Variants in BIRC6 observed in about 807,000 individuals in gnomAD.
BIRC6 encodes baculoviral IAP repeat containing 6, also known as dual E2 ubiquitin-conjugating enzyme/E3 ubiquitin-protein ligase BIRC6.
In BIRC6, 98 loss-of-function variants were observed where a neutral mutation model predicts 503.3. That is an observed-to-expected ratio of 0.19 (90% CI 0.17 to 0.23). The LOEUF is 0.23. Ranked by LOEUF, BIRC6 falls within the 10% of genes least tolerant of loss-of-function variation. The probability of loss-of-function intolerance (pLI) is 1.00; values close to 1 mark genes in which losing one functional copy is unlikely to be tolerated. For synonymous variants in BIRC6, 2,240 were observed against 2,078.7 expected (o/e 1.08, Z -2.11); for missense variants, 5,360 against 5,806.0 (o/e 0.92, Z 2.50).
Position 32,471,055 on chromosome 2 carries a change from G to A in BIRC6, c.6523G>A (p.Val2175Met). The A allele has an allele frequency of 6.3e-7, 1 of 1,582,814 alleles. No individual in the cohort carries two copies. Residue 2175 changes from valine to methionine, a missense_variant, in exon 32 of 74, where the codon GTG becomes ATG. Around this residue, in one of 16 missense-constraint regions of BIRC6, gnomAD observed 2,299 missense variants for 2,267.2 expected, o/e 1.01. Coordinates refer to ENST00000421745, the MANE Select transcript of BIRC6 (RefSeq NM_016252.4). ...IPMISWVVML[V>M]SRLLDYVATV... The stretch of plus-strand genomic sequence containing the variant: ...CATGATCAGTTGGGTTGTTATGCTG[G>A]TGTCCAGGTTGCTGGATTATGTGGC...
chr2:32,370,272 T>C (rs1009434808), intron 1 of BIRC6, among the ~76,000 whole-genome samples: 1 of 151,286 alleles, frequency 6.6e-6, no homozygotes, highest in South Asian at 2.1e-4. Flanking sequence ...GTGGTGATTA[T>C]ATTTTCAAAA....
intron 51 of BIRC6, among the ~76,000 whole-genome samples, chr2:32,508,542 T>A (rs1284929515): frequency 1.3e-5 from 2 of 152,062 alleles, no homozygotes; most frequent in Non-Finnish European, 2.9e-5. Flanking sequence ...TTGTAATTTT[T>A]TGTATCATAC....
At position 32,603,102 on chromosome 2, in the gene BIRC6, A is replaced by C; in HGVS notation, c.14070+19A>C. 6.3e-7 allele frequency: 1 copy of C among 1,592,608 alleles called. No individual in the cohort carries two copies. Among genetic ancestry groups the C allele is most frequent in the Non-Finnish European group, 8.6e-7 (1 of 1,168,634 alleles). On this transcript the variant is annotated intron_variant, in intron 71 of 73. Coordinates refer to ENST00000421745, the MANE Select transcript of BIRC6 (RefSeq NM_016252.4). ...TTTGCAAGTAAACAAAATTTCTCTG[A>C]CATTTTCACTTAAGAAATAAAGAAC... is the stretch of plus-strand genomic sequence containing the variant.
intron 66 of BIRC6, among the ~76,000 whole-genome samples, chr2:32,591,556 C>T (rs1434776578): frequency 6.6e-6 from 1 of 152,124 alleles, no homozygotes; most frequent in African/African-American, 2.4e-5. Context: ...TGATGCAGTT[C>T]ATGCTCCATG....
At position 32,478,631 on chromosome 2, in the gene BIRC6, A is replaced by T; in HGVS notation, c.7069-4A>T. The T allele has an allele frequency of 1.2e-6, 2 of 1,603,174 alleles. No individual in the cohort carries two copies. The highest frequency in any genetic ancestry group is 1.7e-6 in the Non-Finnish European group (2 of 1,176,320). On this transcript the variant is annotated splice_region_variant and splice_polypyrimidine_tract_variant and intron_variant, in intron 35 of 73. Coordinates refer to ENST00000421745, the MANE Select transcript of BIRC6 (RefSeq NM_016252.4). Reference sequence around the variant, plus strand: ...AGTGTATGATTTTATAAAATGTATTACAGGTTCTTGCACGCATTGCAAATG... The same window carrying T: ...AGTGTATGATTTTATAAAATGTATTTCAGGTTCTTGCACGCATTGCAAATG...
intron 50 of BIRC6, 62 bp from the exon 51 acceptor site, chr2:32,507,918 A>G: frequency 6.9e-7 from 1 of 1,453,768 alleles, no homozygotes; most frequent in Non-Finnish European, 9.2e-7. Flanking sequence ...CTGGGATTTT[A>G]ATAAACTGTT....
chr2:32,463,826 T>C (rs553479006), intron 24 of BIRC6, among the ~76,000 whole-genome samples: 2 of 152,152 alleles, frequency 1.3e-5, no homozygotes, highest in African/African-American at 2.4e-5. Flanking sequence ...CCAGTACCAA[T>C]AAATAGCCTT....
chr2:32,373,990 A>G (rs559644129), intron 1 of BIRC6, among the ~76,000 whole-genome samples: 1 of 152,198 alleles, frequency 6.6e-6, no homozygotes, highest in Admixed American at 6.5e-5. Context: ...CATGTGAGAT[A>G]TTTAGAGTAG....
intron 1 of BIRC6, 27 bp from the exon 2 acceptor site, chr2:32,377,561 A>T (rs1251092459): frequency 1.3e-6 from 2 of 1,563,820 alleles, no homozygotes; most frequent in African/African-American, 2.7e-5. Context: ...GAAAATCTTA[A>T]GTGTTGAATT....
At chr2:32,561,085 C>A (rs1390524192) in intron 65 of BIRC6, among the ~76,000 whole-genome samples, 1 of 151,544 alleles carries the variant, frequency 6.6e-6, no homozygotes, top group Non-Finnish European at 1.5e-5. Context: ...GTAGTCCCAG[C>A]TACTTGGGAG....
intron 19 of BIRC6, 39 bp from the exon 20 acceptor site, chr2:32,443,452 G>C: frequency 7.1e-7 from 1 of 1,410,764 alleles, no homozygotes; most frequent in South Asian, 1.3e-5. Flanking sequence ...TAGACCTTGA[G>C]TAATGTCTTT....
chr2:32,576,977 T>C (rs919621765), intron 66 of BIRC6, among the ~76,000 whole-genome samples: 2 of 152,184 alleles, frequency 1.3e-5, no homozygotes, highest in Non-Finnish European at 2.9e-5. Flanking sequence ...TTTTTTCTTT[T>C]GTAGAGAAGA....
chr2:32,488,534 A>G lies in BIRC6; in HGVS notation c.7969-54A>G, dbSNP rs989089795. On this transcript the variant is annotated intron_variant, in intron 41 of 73. Coordinates refer to ENST00000421745, the MANE Select transcript of BIRC6 (RefSeq NM_016252.4). The stretch of plus-strand genomic sequence containing the variant: ...AACATAAGATTTTTGTTTAAATTGT[A>G]TTTCATATTATAATAGGTACATTTT... 12 of 1,383,872 alleles carry G rather than the reference A, an allele frequency of 8.7e-6. No individual in the cohort carries two copies. The African/African-American group carries it at 9.0e-5, about 10-fold the overall frequency. 85.7% of individuals were successfully genotyped at this position (1,383,872 alleles called of 1,614,324 possible). A position where few individuals can be genotyped will look rare whatever the true frequency, so the allele number is the denominator to read the frequency against.
intron 10 of BIRC6, among the ~76,000 whole-genome samples, chr2:32,421,112 C>CTTTCT (rs1553414819): frequency 2.3e-5 from 3 of 132,294 alleles, no homozygotes; most frequent in Admixed American, 1.5e-4. Context: ...TTCTTTCTTT[C>CTTTCT]TTTTTTTTTT....
intron 29 of BIRC6, 33 bp downstream of exon 29, chr2:32,468,816 G>T: frequency 6.9e-7 from 1 of 1,451,310 alleles, no homozygotes. Flanking sequence ...TTAAAGGCTG[G>T]GAATATACTT....
In BIRC6 at chr2:32,401,600, T is replaced by C. The variant is rs1193187020; in HGVS notation, c.1395T>C (p.Asp465=). ...TGGAGGACTCCTCTAGTTGCTCAGA[T>C]ATACCAAAATTGGAAGGAGATAGGT... is the stretch of plus-strand genomic sequence containing the variant. The part of the protein sequence containing the change: ...AWLEDSSSCS[D]IPKLEGDSDD... Residue 465 remains aspartate (D), a synonymous_variant, in exon 8 of 74, where the codon GAT becomes GAC. Transcript: ENST00000421745. 1 of 1,613,444 alleles carries C rather than the reference T, an allele frequency of 6.2e-7. No homozygotes were observed. The highest frequency in any genetic ancestry group is 1.7e-5 in the Admixed American group (1 of 59,766).
intron 44 of BIRC6, 80 bp from the exon 45 acceptor site, chr2:32,493,460 T>C (rs1424662120): frequency 1.5e-6 from 2 of 1,372,594 alleles, no homozygotes; most frequent in African/African-American, 2.9e-5. Flanking sequence ...CTTTTGACTT[T>C]CTACTTGATA....
rs773227632 is a variant in BIRC6 at position 32,481,351 on chromosome 2, T to C, written c.7440T>C (p.Asp2480=). ...CTCCTCTGTCCTCTTTGGAAAAAGATAAAGAAATTGACCTTGAGTTACTTC... is the reference window on the plus strand; with the variant it reads ...CTCCTCTGTCCTCTTTGGAAAAAGACAAAGAAATTGACCTTGAGTTACTTC... ...GAPPLSSLEK[D]KEIDLELLQD... The change falls in exon 38 of 74, where the codon GAT becomes GAC. Residue 2480 remains aspartate, a synonymous_variant. Transcript: ENST00000421745. The C allele has an allele frequency of 6.2e-7, 1 of 1,610,168 alleles. No individual in the cohort carries two copies.
At chr2:32,452,305 AT>A (rs1050320069) in intron 22 of BIRC6, among the ~76,000 whole-genome samples, 8 of 152,110 alleles carry the variant, frequency 5.3e-5, no homozygotes, top group African/African-American at 1.4e-4. Context: ...TCATTAAATT[AT>A]TTTTTTCTTC....
Sources: allele counts gnomAD v4.1 joint callset (sites outside exome capture counted in the v4.1 genomes callset), GRCh38; gene constraint gnomAD v4.1.1; regional missense constraint gnomAD v4.1.1; transcripts MANE v1.5; gene names NCBI Gene and HGNC (gene_info 2026-07-23, HGNC 2026-07-21).